The following GRM5 variants were observed in gnomAD, a reference collection of about 807,000 sequenced individuals.
GRM5 encodes glutamate metabotropic receptor 5, also known as metabotropic glutamate receptor 5.
A neutral mutation model predicts 83.1 loss-of-function variants in GRM5; 19 were observed. The ratio of observed to expected loss-of-function variants is 0.23; its 90% CI spans 0.16 to 0.34. GRM5 has a LOEUF of 0.34. GRM5 is among the 10% of genes least tolerant of loss of function. GRM5 has a pLI of 1.00. For missense variants in GRM5, 1,160 were observed against 1,588.3 expected, an observed-to-expected ratio of 0.73 and a Z score of 4.58; for synonymous variants, 675 against 633.6, an observed-to-expected ratio of 1.07 and a Z score of -0.98.
At chr11:88,826,615 G>A (rs1201594843) in intron 3 of GRM5, among the ~76,000 whole-genome samples, 1 of 152,124 alleles carries the variant, frequency 6.6e-6, no homozygotes, top group African/African-American at 2.4e-5. Context: ...ACTGGTGACT[G>A]TCATATATGT....
chr11:89,025,043 G>T (rs922310586), intron 2 of GRM5, among the ~76,000 whole-genome samples: 1 of 152,202 alleles, frequency 6.6e-6, no homozygotes, highest in Non-Finnish European at 1.5e-5. Flanking sequence ...TGAAAATTAG[G>T]TGTGGTAAGA....
At chr11:88,743,053 A>G (rs944572035) in intron 3 of GRM5, among the ~76,000 whole-genome samples, 56 of 152,138 alleles carry the variant, frequency 3.7e-4, no homozygotes, top group African/African-American at 1.3e-3. Context: ...ATTGCTATGA[A>G]AATATACCTT....
intron 2 of GRM5, among the ~76,000 whole-genome samples, chr11:88,864,754 T>C (rs7482976): frequency 0.69 from 104,430 of 151,798 alleles, 36,398 homozygotes; most frequent in Non-Finnish European, 0.75. Context: ...GGATTTCAAA[T>C]GGAATGTTGC....
chr11:88,566,116 A>G (rs10501670), intron 8 of GRM5, among the ~76,000 whole-genome samples: 31,846 of 152,138 alleles, frequency 0.21, 3,481 homozygotes, highest in Non-Finnish European at 0.24. Context: ...GTTAAATTTC[A>G]GAAGAGTTAG....
intron 2 of GRM5, among the ~76,000 whole-genome samples, chr11:88,872,207 C>A (rs556282069): frequency 6.6e-6 from 1 of 151,432 alleles, no homozygotes; most frequent in African/African-American, 2.4e-5. Flanking sequence ...ATCATAAATG[C>A]ACAGAGTAAT....
At chr11:88,904,219 C>A (rs865821828) in intron 2 of GRM5, among the ~76,000 whole-genome samples, 9 of 152,164 alleles carry the variant, frequency 5.9e-5, no homozygotes, top group African/African-American at 2.2e-4. Context: ...GTGATTTATG[C>A]ATAATTGTCA....
chr11:89,034,658 G>GT (rs1306047279), intron 2 of GRM5, among the ~76,000 whole-genome samples: 1 of 151,756 alleles, frequency 6.6e-6, no homozygotes, highest in African/African-American at 2.4e-5. Context: ...ATTTGTGGTA[G>GT]TATCACATGG....
intron 2 of GRM5, among the ~76,000 whole-genome samples, chr11:88,932,710 T>C (rs1937755364): frequency 6.6e-6 from 1 of 151,834 alleles, no homozygotes; most frequent in African/African-American, 2.4e-5. Context: ...TTTTTATGAA[T>C]AAGAAGGGGT....
chr11:88,768,743 A>G (rs940903115), intron 3 of GRM5, among the ~76,000 whole-genome samples: 4 of 151,948 alleles, frequency 2.6e-5, no homozygotes, highest in African/African-American at 7.2e-5. Flanking sequence ...AGAAGTTGGC[A>G]TGATGTGAAG....
chr11:88,919,548 G>T (rs1160240800), intron 2 of GRM5, among the ~76,000 whole-genome samples: 4 of 151,160 alleles, frequency 2.6e-5, no homozygotes, highest in Non-Finnish European at 4.4e-5. Flanking sequence ...AGATCAAATG[G>T]ATCTAATAGA....
At chr11:88,994,925 A>T (rs1262235182) in intron 2 of GRM5, among the ~76,000 whole-genome samples, 1 of 152,108 alleles carries the variant, frequency 6.6e-6, no homozygotes, top group Non-Finnish European at 1.5e-5. Flanking sequence ...ACATTTACCT[A>T]TGCTTTCATT....
intron 4 of GRM5, among the ~76,000 whole-genome samples, chr11:88,641,927 G>C (rs941716923): frequency 4.6e-5 from 7 of 152,120 alleles, no homozygotes; most frequent in African/African-American, 1.7e-4. Context: ...GATGATGGTG[G>C]CCCCCTTCTC....
chr11:88,551,284 T>A (rs1342006553), intron 8 of GRM5, among the ~76,000 whole-genome samples: 1 of 152,142 alleles, frequency 6.6e-6, no homozygotes, highest in East Asian at 1.9e-4. Context: ...CTTCTGTGGG[T>A]TCTGCCTATT....
At chr11:88,913,585 CT>C (rs1945538758) in intron 2 of GRM5, among the ~76,000 whole-genome samples, 1 of 111,892 alleles carries the variant, frequency 8.9e-6, no homozygotes, top group African/African-American at 3.5e-5. Flanking sequence ...TTCTCTCTCT[CT>C]CTTTTTTTTT....
intron 2 of GRM5, among the ~76,000 whole-genome samples, chr11:88,864,293 A>G (rs1944620505): frequency 6.6e-6 from 1 of 151,672 alleles, no homozygotes; most frequent in African/African-American, 2.4e-5. Context: ...AACATGAATT[A>G]AACTGCAAGT....
Position 88,859,381 on chromosome 11 carries a change from G to T in GRM5, c.662-9226C>A, listed in dbSNP as rs189126921. ...TGGAACAGAGTAAGCACTGAATACA[G>T]GATTTTTTTATAATCATCATCATCA... On this transcript the variant is annotated intron_variant, in intron 2 of 9. Transcript: ENST00000305447. Among the ~76,000 whole-genome samples the T allele has an allele frequency of 2.0e-3, 310 of 151,524 alleles. 1 individual carries two copies. The highest frequency in any genetic ancestry group is 7.3e-3 in the African/African-American group (300 of 40,976).
At chr11:88,820,912 T>C (rs1943778561) in intron 3 of GRM5, among the ~76,000 whole-genome samples, 1 of 152,214 alleles carries the variant, frequency 6.6e-6, no homozygotes, top group Non-Finnish European at 1.5e-5. Context: ...TTATTCCTGA[T>C]GAAAGTGATT....
At chr11:88,673,120 T>C (rs1940232295) in intron 3 of GRM5, among the ~76,000 whole-genome samples, 2 of 152,006 alleles carry the variant, frequency 1.3e-5, no homozygotes, top group Admixed American at 1.3e-4. Context: ...TACTATTTTA[T>C]AGATGACTCT....
chr11:88,536,089 G>A (rs1942123654), intron 8 of GRM5, among the ~76,000 whole-genome samples: 2 of 152,196 alleles, frequency 1.3e-5, no homozygotes, highest in South Asian at 2.1e-4. Flanking sequence ...ACCAGTTACT[G>A]TGGGTTTAGT....
Sources: gnomAD v4.1 joint callset for allele counts (sites outside exome capture counted in the v4.1 genomes callset) on GRCh38, gnomAD v4.1.1 for gene constraint, MANE v1.5 for transcripts, NCBI Gene and HGNC (gene_info 2026-07-23, HGNC 2026-07-21) for gene names.